The following PRMT7 variants were observed in gnomAD, a reference collection of about 807,000 sequenced individuals.
PRMT7 encodes protein arginine N-methyltransferase 7.
A neutral mutation model predicts 85.4 loss-of-function variants in PRMT7; 75 were observed. The observed-to-expected ratio is 0.88, with a 90% CI of 0.73 to 1.06. PRMT7 has a LOEUF of 1.06. PRMT7 is among the 50% of genes least tolerant of loss of function. PRMT7 has a pLI of 0.00. For missense variants in PRMT7, 868 were observed against 915.2 expected (o/e 0.95, Z 0.67); for synonymous variants, 397 against 359.5 (o/e 1.10, Z -1.18).
intron 6 of PRMT7, among the ~76,000 whole-genome samples, chr16:68,331,649 T>C (rs1190411087): frequency 2.6e-5 from 4 of 151,940 alleles, no homozygotes; most frequent in African/African-American, 4.8e-5. Flanking sequence ...AAAAAAATTT[T>C]TTTTTGTAGA....
chr16:68,331,711 C>T (rs1042628526), intron 6 of PRMT7, among the ~76,000 whole-genome samples: 2 of 152,096 alleles, frequency 1.3e-5, no homozygotes, highest in South Asian at 2.1e-4. Flanking sequence ...TGGGCTCAAG[C>T]GATTCTCCCA....
intron 5 of PRMT7, among the ~76,000 whole-genome samples, chr16:68,326,094 T>C (rs1365782876): frequency 6.6e-6 from 1 of 152,216 alleles, no homozygotes; most frequent in Non-Finnish European, 1.5e-5. Context: ...GGAAATTTGG[T>C]AAATACCAAA....
chr16:68,322,887 C>T (rs548255943), intron 4 of PRMT7, among the ~76,000 whole-genome samples: 85 of 151,984 alleles, frequency 5.6e-4, no homozygotes, highest in African/African-American at 1.7e-3. Context: ...AAAAAAAAGC[C>T]GAGCGTGGTG....
rs760304168 is a variant in PRMT7, at chr16:68,345,748, A to G, written c.1001A>G (p.Tyr334Cys). 1.5e-5 allele frequency: 24 copies of G among 1,613,952 alleles called. No homozygotes were observed. Among genetic ancestry groups the G allele is most frequent in the Non-Finnish European group, 1.9e-5 (22 of 1,180,012 alleles). ...EEPVVQGSAL[Y>C]LVAHHDDYCV... The stretch of plus-strand genomic sequence containing the variant: ...CCTGTGGTGCAGGGCTCAGCGCTCT[A>G]TCTGGTAGCCCACCACGATGACTAC... The change falls in exon 10 of 19, where the codon TAT becomes TGT. Residue 334 changes from tyrosine to cysteine, a missense_variant. Transcript: ENST00000441236.
chr16:68,312,229 A>ATATATATTTT (rs1419393129), intron 2 of PRMT7, 53 bp downstream of exon 2: 1 of 112,694 alleles, frequency 8.9e-6, no homozygotes, highest in African/African-American at 3.7e-5. Flanking sequence ...ATATATATAT[A>ATATATATTTT]TTTTTTTTTT....
At chr16:68,328,171 C>A in intron 5 of PRMT7, 1 of 280,936 alleles carries the variant, frequency 3.6e-6, no homozygotes, top group Admixed American at 3.5e-5. Context: ...CTGACCAACC[C>A]CAGCTTCAGG....
rs560321076 is a variant in PRMT7 at position 68,324,645 on chromosome 16, T to C, written c.133-38T>C. 2.5e-5 allele frequency: 40 copies of C among 1,609,782 alleles called. No individual in the cohort carries two copies. The East Asian group carries it at 4.2e-4, about 17-fold the overall frequency. ...TGCAAAGCACCTTTCCACTTACTTATAATAACTGGTAGTAAGTGACGGCCA... is the reference window on the plus strand; with the variant it reads ...TGCAAAGCACCTTTCCACTTACTTACAATAACTGGTAGTAAGTGACGGCCA... On this transcript the variant is annotated intron_variant, in intron 4 of 18. Transcript: ENST00000441236.
At chr16:68,337,703 T>G (rs2084908702) in intron 7 of PRMT7, 132 bp downstream of exon 7, 1 of 431,582 alleles carries the variant, frequency 2.3e-6, no homozygotes. Flanking sequence ...CCTCCATTCC[T>G]GGGGGGGCTC....
chr16:68,317,903 C>T (rs1035230759), intron 3 of PRMT7, among the ~76,000 whole-genome samples: 3 of 151,168 alleles, frequency 2.0e-5, no homozygotes, highest in African/African-American at 4.9e-5. Flanking sequence ...CAGTTTAGTG[C>T]AGCTGGAGTG....
At chr16:68,352,151 T>C in intron 14 of PRMT7, 97 bp from the exon 15 acceptor site, 1 of 1,335,200 alleles carries the variant, frequency 7.5e-7, no homozygotes, top group Non-Finnish European at 1.0e-6. Context: ...AGGGAGTGAC[T>C]TGAGTGACTG....
intron 9 of PRMT7, among the ~76,000 whole-genome samples, chr16:68,345,386 T>C (rs1423395563): frequency 1.3e-5 from 2 of 152,218 alleles, no homozygotes; most frequent in African/African-American, 2.4e-5. Flanking sequence ...TTGGTGCTAC[T>C]CTGATGGGGT....
intron 5 of PRMT7, 93 bp from the exon 6 acceptor site, chr16:68,328,973 A>C: frequency 1.2e-6 from 1 of 817,286 alleles, no homozygotes; most frequent in Non-Finnish European, 2.0e-6. Flanking sequence ...ATATCTTAGG[A>C]CCAGAATCAA....
chr16:68,339,739 G>GA, intron 8 of PRMT7, 49 bp from the exon 9 acceptor site: 1 of 1,590,772 alleles, frequency 6.3e-7, no homozygotes, highest in Non-Finnish European at 8.6e-7. Context: ...TTAAAAAATG[G>GA]AGTGTGTGAG....
intron 2 of PRMT7, among the ~76,000 whole-genome samples, chr16:68,312,390 G>T (rs979327238): frequency 1.3e-5 from 2 of 151,598 alleles, no homozygotes; most frequent in Admixed American, 1.3e-4. Flanking sequence ...AGGCCACCGC[G>T]CCCGGCTAAT....
chr16:68,356,944 G>T (rs2088662737), intron 18 of PRMT7, 110 bp from the exon 19 acceptor site: 1 of 1,398,646 alleles, frequency 7.1e-7, no homozygotes, highest in Non-Finnish European at 9.7e-7. Flanking sequence ...TGGGCCATCT[G>T]GCCCCTGAGC....
At chr16:68,353,670 G>T (rs2087780839) in intron 16 of PRMT7, 104 bp downstream of exon 16, 4 of 1,063,460 alleles carry the variant, frequency 3.8e-6, no homozygotes, top group Non-Finnish European at 5.3e-6. Context: ...GTTGGGGGCA[G>T]TGAGGTCAGG....
intron 5 of PRMT7, among the ~76,000 whole-genome samples, 177 bp from the exon 6 acceptor site, chr16:68,328,889 A>G (rs1270634200): frequency 6.6e-6 from 1 of 152,200 alleles, no homozygotes; most frequent in Non-Finnish European, 1.5e-5. Context: ...AGAGTCCCTA[A>G]TCACAAGTTA....
intron 4 of PRMT7, among the ~76,000 whole-genome samples, chr16:68,323,196 T>G (rs1421400621): frequency 4.8e-5 from 7 of 145,926 alleles, no homozygotes; most frequent in Non-Finnish European, 8.9e-5. Flanking sequence ...CAACGTCATT[T>G]CTTTTTTTTC....
In PRMT7 at chr16:68,339,549, G is replaced by A. The variant is rs147342179; in HGVS notation, c.732G>A (p.Val244=). The change falls in exon 8 of 19, where the codon GTG becomes GTA. Residue 244 remains valine, a synonymous_variant. Transcript: ENST00000441236. ...CCGACTTTACAGTCCTCAGCGATGT[G>A]CTGCCCATGTTCAGGTACCAAGGAG... ...SPADFTVLSD[V]LPMFSIDFSK... 1,935 of 1,613,672 alleles carry A rather than the reference G, an allele frequency of 1.2e-3. 4 individuals carry two copies. The highest frequency in any genetic ancestry group is 3.3e-3 in the Admixed American group (196 of 60,020).
Sources: allele counts gnomAD v4.1 joint callset (sites outside exome capture counted in the v4.1 genomes callset), GRCh38; gene constraint gnomAD v4.1.1; transcripts MANE v1.5; gene names NCBI Gene and HGNC (gene_info 2026-07-23, HGNC 2026-07-21).